KIF26B: variants seen among roughly 807,000 people sequenced by gnomAD.
KIF26B encodes kinesin family member 26B.
In KIF26B, 63 loss-of-function variants were observed where a neutral mutation model predicts 151.2. The ratio of observed to expected loss-of-function variants is 0.42; its 90% CI spans 0.34 to 0.51. The LOEUF (loss-of-function observed/expected upper bound fraction) is 0.51, where lower values mean the gene tolerates loss of function less well. Ranked by LOEUF, KIF26B falls within the 20% of genes least tolerant of loss-of-function variation. The probability of loss-of-function intolerance (pLI) is 0.07; values close to 1 mark genes in which losing one functional copy is unlikely to be tolerated. For missense variants in KIF26B, 2,813 were observed against 2,913.6 expected (o/e 0.97, Z 0.79); for synonymous variants, 1,357 against 1,262.1 (o/e 1.08, Z -1.59).
chr1:245,172,259 G>C (rs7512255), intron 2 of KIF26B, among the ~76,000 whole-genome samples: 85,567 of 151,804 alleles, frequency 0.56, 24,800 homozygotes, highest in East Asian at 0.83. Flanking sequence ...TGCAGAGTTA[G>C]GACACTTGGG....
chr1:245,672,556 C>A (rs1047459610), intron 10 of KIF26B, among the ~76,000 whole-genome samples: 3 of 152,194 alleles, frequency 2.0e-5, no homozygotes, highest in African/African-American at 7.2e-5. Flanking sequence ...TGACATGCAG[C>A]CTGATGGAGC....
intron 2 of KIF26B, among the ~76,000 whole-genome samples, chr1:245,261,492 TCTCTCTCTCTCC>T (rs1317009950): frequency 0.018 from 1,373 of 77,468 alleles, 12 homozygotes; most frequent in African/African-American, 0.069. Context: ...TCTCTCTCTC[TCTCTCTCTCTCC>T]CTCCCTCCCT....
intron 9 of KIF26B, among the ~76,000 whole-genome samples, chr1:245,621,367 T>C (rs182441085): frequency 3.7e-4 from 56 of 152,254 alleles, no homozygotes; most frequent in East Asian, 3.7e-3. Flanking sequence ...AATTTCTGCA[T>C]TGTGGGATAT....
intron 2 of KIF26B, among the ~76,000 whole-genome samples, chr1:245,356,724 A>C (rs1672709308): frequency 6.6e-6 from 1 of 152,214 alleles, no homozygotes; most frequent in African/African-American, 2.4e-5. Context: ...TCCGCAGTGA[A>C]CAACACAGAC....
chr1:245,361,180 T>C (rs1408436083), intron 2 of KIF26B, among the ~76,000 whole-genome samples: 1 of 152,198 alleles, frequency 6.6e-6, no homozygotes, highest in African/African-American at 2.4e-5. Context: ...CAAGCAGCCC[T>C]ATTAATCGCA....
chr1:245,191,690 TTAC>T (rs1669114188), intron 2 of KIF26B, among the ~76,000 whole-genome samples: 1 of 152,036 alleles, frequency 6.6e-6, no homozygotes, highest in South Asian at 2.1e-4. Flanking sequence ...ATGTAAAAAA[TTAC>T]AACGAAGCAT....
rs754473800 is a variant in KIF26B at position 245,685,978 on chromosome 1, T to G, written c.2995T>G (p.Ser999Ala). The change falls in exon 12 of 15, where the codon TCC (serine) becomes GCC (alanine). Residue 999 changes from serine (S) to alanine (A), a missense_variant. By Grantham distance (99) the Ser-to-Ala change is moderately conservative. Coordinates refer to ENST00000407071, the MANE Select transcript of KIF26B (RefSeq NM_018012.4). The part of the protein sequence containing the change: ...TNREGPELPA[S>A]KMQRSHSPVP... ...CAGAGAAGGCCCTGAACTCCCAGCC[T>G]CCAAGATGCAGAGGAGTCACTCACC... 6.3e-7 allele frequency: 1 copy of G among 1,599,114 alleles called. No homozygotes were observed. Among genetic ancestry groups the G allele is most frequent in the Non-Finnish European group, 8.5e-7 (1 of 1,173,336 alleles).
chr1:245,259,415 T>C (rs2103569170), intron 2 of KIF26B, among the ~76,000 whole-genome samples: 1 of 152,024 alleles, frequency 6.6e-6, no homozygotes, highest in African/African-American at 2.4e-5. Context: ...CCAGGCAGGG[T>C]TGTGAGGGCC....
Position 245,678,206 on chromosome 1 carries a change from C to T in KIF26B, c.2259-6027C>T, listed in dbSNP as rs189043070. On this transcript the variant is annotated intron_variant, in intron 10 of 14. Coordinates refer to ENST00000407071, the MANE Select transcript of KIF26B (RefSeq NM_018012.4). ...GTTCTGTCCCCCTCTGGTGTTGCTT[C>T]CTTCTCCTCTTCACTCTGCAGCCGC... Among the ~76,000 whole-genome samples, 306 of 152,090 alleles carry T rather than the reference C, an allele frequency of 2.0e-3. 2 individuals carry two copies. The highest frequency in any genetic ancestry group is 0.01 in the Middle Eastern group (3 of 294).
intron 2 of KIF26B, among the ~76,000 whole-genome samples, chr1:245,219,003 C>T (rs1669704187): frequency 6.6e-6 from 1 of 152,038 alleles, no homozygotes; most frequent in Non-Finnish European, 1.5e-5. Context: ...CCCCCATCTA[C>T]TCTCTGGGAA....
At position 245,184,050 on chromosome 1, in the gene KIF26B, G is replaced by GT. The variant is rs758993117; in HGVS notation, c.465+27386dup. On this transcript the variant is annotated intron_variant, in intron 2 of 14. Coordinates refer to ENST00000407071, the MANE Select transcript of KIF26B (RefSeq NM_018012.4). ...GCAACAGGTATGGGTGGGAGTTGTT[G>GT]TTTTTTTTTTTTTTTTTTTGAGCTT... 1.1e-3 allele frequency among the ~76,000 whole-genome samples: 22 copies of GT among 19,810 alleles called. 6 individuals carry two copies. The highest frequency in any genetic ancestry group is 6.9e-3 in the East Asian group (4 of 578). The allele number at this position is 19,810 out of a possible 152,430, so 13.0% of individuals were successfully genotyped here.
intron 4 of KIF26B, among the ~76,000 whole-genome samples, chr1:245,532,241 TTCTTTTC>T (rs1391351364): frequency 2.0e-5 from 2 of 100,070 alleles, no homozygotes; most frequent in Admixed American, 1.1e-4. Context: ...TTCTTTTCTT[TTCTTTTC>T]TTTTTTTTTT....
At chr1:245,312,823 A>G (rs565868847) in intron 2 of KIF26B, among the ~76,000 whole-genome samples, 1 of 152,258 alleles carries the variant, frequency 6.6e-6, no homozygotes, top group East Asian at 1.9e-4. Context: ...TAATGCAAAA[A>G]CACTACCATA....
chr1:245,185,050 T>C (rs546964797), intron 2 of KIF26B, among the ~76,000 whole-genome samples: 3 of 152,354 alleles, frequency 2.0e-5, no homozygotes, highest in African/African-American at 7.2e-5. Flanking sequence ...CCAAATTTTT[T>C]ATTGCTTCTC....
At chr1:245,692,425 G>A (rs532891127) in intron 12 of KIF26B, among the ~76,000 whole-genome samples, 5 of 152,294 alleles carry the variant, frequency 3.3e-5, no homozygotes, top group South Asian at 2.1e-4. Flanking sequence ...GAGAAATGTC[G>A]GGATTGAGCT....
chr1:245,487,102 G>T (rs1223071430), intron 4 of KIF26B, among the ~76,000 whole-genome samples: 1 of 152,078 alleles, frequency 6.6e-6, no homozygotes, highest in Non-Finnish European at 1.5e-5. Context: ...TTGAGAATGG[G>T]GGGGGTGGTT....
At chr1:245,374,874 C>T (rs1177311194) in intron 3 of KIF26B, among the ~76,000 whole-genome samples, 3 of 152,066 alleles carry the variant, frequency 2.0e-5, no homozygotes, top group East Asian at 1.9e-4. Flanking sequence ...TGGATGGGGC[C>T]GTGGTCTGAA....
chr1:245,606,617 G>A lies in KIF26B; in HGVS notation c.1558-1034G>A, dbSNP rs1025037196. Among the ~76,000 whole-genome samples, 1 of 152,200 alleles carries A rather than the reference G, an allele frequency of 6.6e-6. No homozygotes were observed. Among genetic ancestry groups the A allele is most frequent in the African/African-American group, 2.4e-5 (1 of 41,454 alleles). ...TTCAGGGGAAATACAAAACATCATCGAGAGCCTGGTCCCTGTCTAGGATTT... is the reference window on the plus strand; with the variant it reads ...TTCAGGGGAAATACAAAACATCATCAAGAGCCTGGTCCCTGTCTAGGATTT... On this transcript the variant is annotated intron_variant, in intron 6 of 14. Coordinates refer to ENST00000407071, the MANE Select transcript of KIF26B (RefSeq NM_018012.4). This position sits in a 1 kb window ranked among gnomAD's most constrained non-coding sequence, Gnocchi z 4.6.
At chr1:245,161,626 A>G (rs1242080669) in intron 2 of KIF26B, among the ~76,000 whole-genome samples, 2 of 152,220 alleles carry the variant, frequency 1.3e-5, no homozygotes, top group African/African-American at 4.8e-5. Flanking sequence ...ACCACGAACT[A>G]CACTGAAACA....
Sources: allele counts gnomAD v4.1 joint callset (sites outside exome capture counted in the v4.1 genomes callset), GRCh38; gene constraint gnomAD v4.1.1; non-coding constraint Gnocchi (gnomAD v3.1); transcripts MANE v1.5; gene names NCBI Gene and HGNC (gene_info 2026-07-23, HGNC 2026-07-21).